The following ERC2 variants were observed in gnomAD, a reference collection of about 807,000 sequenced individuals.
The protein encoded by ERC2 is ERC protein 2.
ERC2 carries 42 observed loss-of-function variants against 114.8 expected under a neutral mutation model. The ratio of observed to expected loss-of-function variants is 0.37; its 90% CI spans 0.29 to 0.47. The LOEUF (loss-of-function observed/expected upper bound fraction) is 0.47. ERC2 is among the 20% of genes least tolerant of loss of function. The probability of loss-of-function intolerance (pLI) is 0.99; values close to 1 mark genes in which losing one functional copy is unlikely to be tolerated. For synonymous variants in ERC2, 454 were observed against 425.5 expected (o/e 1.07, Z -0.82); for missense variants, 939 against 1,150.7 (o/e 0.82, Z 2.66).
intron 2 of ERC2, among the ~76,000 whole-genome samples, chr3:56,299,131 G>GTTTTTTTT (rs2055680582): frequency 6.3e-5 from 4 of 63,250 alleles, no homozygotes; most frequent in African/African-American, 2.8e-4. Flanking sequence ...TTTTTTTTTT[G>GTTTTTTTT]TTTGTTTGTT....
intron 14 of ERC2, among the ~76,000 whole-genome samples, chr3:55,752,599 C>A (rs1014178666): frequency 5.3e-5 from 8 of 152,166 alleles, no homozygotes; most frequent in Admixed American, 5.2e-4. Flanking sequence ...AAAGACTATA[C>A]CATTCTAAGT....
chr3:56,014,538 G>C (rs1215047179), intron 8 of ERC2, among the ~76,000 whole-genome samples: 1 of 152,118 alleles, frequency 6.6e-6, no homozygotes, highest in Non-Finnish European at 1.5e-5. Context: ...AAGCAGTAAA[G>C]ACAGTCCAAG....
chr3:56,437,781 A>G (rs2062091889), intron 1 of ERC2, among the ~76,000 whole-genome samples: 1 of 152,248 alleles, frequency 6.6e-6, no homozygotes. Context: ...ATAAATGATA[A>G]GAGAGACAGA....
chr3:56,421,463 AC>A (rs904470833), intron 2 of ERC2, among the ~76,000 whole-genome samples: 1 of 152,178 alleles, frequency 6.6e-6, no homozygotes, highest in African/African-American at 2.4e-5. Flanking sequence ...AGCTGACTGG[AC>A]CTAGAAGAGA....
intron 13 of ERC2, among the ~76,000 whole-genome samples, chr3:55,934,856 A>G (rs943337623): frequency 2.0e-5 from 3 of 152,232 alleles, no homozygotes; most frequent in Non-Finnish European, 4.4e-5. Context: ...CCCAATCAGT[A>G]TATTATTTAT....
chr3:55,773,895 G>A (rs776686079), intron 14 of ERC2, among the ~76,000 whole-genome samples: 5 of 152,160 alleles, frequency 3.3e-5, no homozygotes, highest in South Asian at 2.1e-4. Context: ...GAAAGAAGGC[G>A]GCTTTTGTGT....
At chr3:55,832,009 C>T (rs1575758742) in intron 14 of ERC2, among the ~76,000 whole-genome samples, 2 of 152,356 alleles carry the variant, frequency 1.3e-5, no homozygotes, top group Middle Eastern at 6.8e-3. Flanking sequence ...ATTGCTGGCA[C>T]AGCAGTCTGA....
At chr3:56,026,294 C>T (rs1560044809) in intron 7 of ERC2, among the ~76,000 whole-genome samples, 1 of 152,058 alleles carries the variant, frequency 6.6e-6, no homozygotes, top group Non-Finnish European at 1.5e-5. Flanking sequence ...AAGTGATCTG[C>T]CTGCCTCGGC....
chr3:55,907,200 A>G (rs1187716587), intron 13 of ERC2, among the ~76,000 whole-genome samples: 1 of 152,218 alleles, frequency 6.6e-6, no homozygotes, highest in Non-Finnish European at 1.5e-5. Context: ...TCAGTAGGCT[A>G]GTAGCTTTTA....
chr3:56,321,999 A>G (rs796481821), intron 2 of ERC2, among the ~76,000 whole-genome samples: 3 of 152,358 alleles, frequency 2.0e-5, no homozygotes, highest in African/African-American at 7.2e-5. Flanking sequence ...CAAAGCTGAA[A>G]GCAAAAGGAC....
intron 12 of ERC2, among the ~76,000 whole-genome samples, chr3:55,972,389 C>T (rs548745403): frequency 9.9e-5 from 15 of 152,276 alleles, no homozygotes; most frequent in Admixed American, 7.2e-4. Flanking sequence ...TTAAGCCCCA[C>T]ATGCATTAGA....
intron 11 of ERC2, among the ~76,000 whole-genome samples, chr3:55,986,580 CCT>C (rs1349223823): frequency 6.6e-6 from 1 of 152,072 alleles, no homozygotes; most frequent in African/African-American, 2.4e-5. Context: ...TCAAAGACCC[CCT>C]GAGGAGGGCT....
At chr3:55,726,316 C>G (rs1254369456) in intron 15 of ERC2, among the ~76,000 whole-genome samples, 1 of 152,202 alleles carries the variant, frequency 6.6e-6, no homozygotes, top group Non-Finnish European at 1.5e-5. Context: ...CATGGGGTTC[C>G]TCTACTGCTG....
At chr3:55,658,399 T>A (rs959233759) in intron 17 of ERC2, 1 of 152,240 alleles carries the variant, frequency 6.6e-6, no homozygotes, top group Non-Finnish European at 1.5e-5. Flanking sequence ...TGCCCATTTC[T>A]GAACCAATCA....
chr3:55,901,502 G>A (rs748864338), intron 13 of ERC2, among the ~76,000 whole-genome samples: 1 of 152,188 alleles, frequency 6.6e-6, no homozygotes, highest in Non-Finnish European at 1.5e-5. Flanking sequence ...GAAGCCACCT[G>A]TATTCTTTGC....
At chr3:56,448,679 TG>T (rs1189406271) in intron 1 of ERC2, among the ~76,000 whole-genome samples, 2 of 152,180 alleles carry the variant, frequency 1.3e-5, no homozygotes, top group African/African-American at 4.8e-5. Flanking sequence ...ACTTGATCTC[TG>T]TCATAACTAC....
At chr3:55,997,908 GTGT>G (rs1291280789) in intron 10 of ERC2, among the ~76,000 whole-genome samples, 1 of 18,378 alleles carries the variant, frequency 5.4e-5, no homozygotes, top group Non-Finnish European at 1.1e-4. Flanking sequence ...TTTTTTTTTT[GTGT>G]GTGTGTGTGT....
chr3:56,254,205 T>C (rs570947123), intron 3 of ERC2, among the ~76,000 whole-genome samples: 15 of 152,260 alleles, frequency 9.9e-5, no homozygotes, highest in Non-Finnish European at 2.1e-4. Context: ...TGATGGGATG[T>C]TGCAAAGTGA....
chr3:56,444,316 G>C (rs1179073272), intron 1 of ERC2, among the ~76,000 whole-genome samples: 1 of 151,662 alleles, frequency 6.6e-6, no homozygotes, highest in East Asian at 1.9e-4. Context: ...CTGTAAGAAG[G>C]GTAAATTATT....
Sources: gnomAD v4.1 joint callset for allele counts (sites outside exome capture counted in the v4.1 genomes callset) on GRCh38, gnomAD v4.1.1 for gene constraint, MANE v1.5 for transcripts, NCBI Gene and HGNC (gene_info 2026-07-23, HGNC 2026-07-21) for gene names.